GRIK1: variants seen among roughly 807,000 people sequenced by gnomAD.
The protein encoded by GRIK1 is glutamate ionotropic receptor kainate type subunit 1.
GRIK1 carries 69 observed loss-of-function variants against 105.7 expected under a neutral mutation model. That is an observed-to-expected ratio of 0.65 (90% CI 0.54 to 0.80). The LOEUF (loss-of-function observed/expected upper bound fraction) is 0.80. Among genes scored for constraint, GRIK1 ranks in the 30% least tolerant of loss-of-function variants. The pLI, the probability that GRIK1 is intolerant of heterozygous loss-of-function variation, is 0.00. For synonymous variants in GRIK1, 438 were observed against 431.3 expected (o/e 1.02, Z -0.19); for missense variants, 1,109 against 1,167.3 (o/e 0.95, Z 0.73).
chr21:29,773,536 T>G (rs2065865690), intron 1 of GRIK1, among the ~76,000 whole-genome samples: 1 of 152,134 alleles, frequency 6.6e-6, no homozygotes, highest in South Asian at 2.1e-4. Flanking sequence ...CTGCCTTCTT[T>G]ATCACACTCT....
At chr21:29,743,738 T>C (rs2064984999) in intron 1 of GRIK1, among the ~76,000 whole-genome samples, 1 of 152,120 alleles carries the variant, frequency 6.6e-6, no homozygotes, top group Non-Finnish European at 1.5e-5. Flanking sequence ...TTGTTTTATT[T>C]TGAGCAATCT....
intron 3 of GRIK1, among the ~76,000 whole-genome samples, chr21:29,683,878 T>C (rs2146688189): frequency 6.6e-6 from 1 of 152,368 alleles, no homozygotes; most frequent in Middle Eastern, 3.4e-3. Context: ...GAAATAGTTA[T>C]TTTGTCAGGG....
At chr21:29,539,320 T>G (rs1360010992) in intron 16 of GRIK1, among the ~76,000 whole-genome samples, 1 of 152,182 alleles carries the variant, frequency 6.6e-6, no homozygotes, top group Non-Finnish European at 1.5e-5. Flanking sequence ...CTAGCTTACC[T>G]TATACACACA....
At chr21:29,584,308 ATT>A (rs368690391) in intron 12 of GRIK1, among the ~76,000 whole-genome samples, 29 of 151,588 alleles carry the variant, frequency 1.9e-4, no homozygotes, top group Non-Finnish European at 3.1e-4. Context: ...GGTTTTCTAG[ATT>A]TTTTTTTGCC....
intron 6 of GRIK1, among the ~76,000 whole-genome samples, chr21:29,647,133 C>T (rs1220555942): frequency 1.3e-5 from 2 of 152,154 alleles, no homozygotes; most frequent in Non-Finnish European, 2.9e-5. Flanking sequence ...TGTGAGCCAC[C>T]GTGCCCAGCC....
intron 4 of GRIK1, among the ~76,000 whole-genome samples, chr21:29,667,923 A>G (rs2063091391): frequency 6.6e-6 from 1 of 152,236 alleles, no homozygotes; most frequent in African/African-American, 2.4e-5. Flanking sequence ...GTTTCTTAAT[A>G]GTATAGGATT....
intron 1 of GRIK1, among the ~76,000 whole-genome samples, chr21:29,852,300 G>A (rs1456147137): frequency 1.3e-5 from 2 of 152,166 alleles, no homozygotes; most frequent in African/African-American, 4.8e-5. Flanking sequence ...AATGCAAATA[G>A]TGACTGTTAC....
chr21:29,587,655 G>T, intron 11 of GRIK1, 66 bp from the exon 12 acceptor site: 2 of 819,616 alleles, frequency 2.4e-6, no homozygotes, highest in Non-Finnish European at 2.0e-6. Flanking sequence ...GACTTTTCCT[G>T]GGTACTCCTG....
intron 1 of GRIK1, among the ~76,000 whole-genome samples, chr21:29,786,694 G>A (rs1222094491): frequency 6.6e-6 from 1 of 152,176 alleles, no homozygotes; most frequent in Non-Finnish European, 1.5e-5. Context: ...ATTGATGACT[G>A]TAGCACATGG....
chr21:29,857,384 C>T (rs1462810343), intron 1 of GRIK1, among the ~76,000 whole-genome samples: 1 of 152,176 alleles, frequency 6.6e-6, no homozygotes, highest in South Asian at 2.1e-4. Context: ...GGCGAGAATG[C>T]AGGAGTCAGT....
At position 29,792,819 on chromosome 21, in the gene GRIK1, C is replaced by A. The variant is rs1353985871; in HGVS notation, c.119-98756G>T. Among the ~76,000 whole-genome samples the A allele has an allele frequency of 1.6e-4, 25 of 152,270 alleles. No homozygotes were observed. In the South Asian group the frequency reaches 2.9e-3, roughly 18 times the overall value. ...GTGACAGTACAAACGTAAACAACCT[C>A]ATTAGCAGCTCTTACCAAATGTAAA... On this transcript the variant is annotated intron_variant, in intron 1 of 17. Transcript: ENST00000327783.
At chr21:29,729,332 G>A (rs768046571) in intron 1 of GRIK1, among the ~76,000 whole-genome samples, 10 of 152,116 alleles carry the variant, frequency 6.6e-5, no homozygotes, top group African/African-American at 9.7e-5. Context: ...AAGGTAGGAG[G>A]TGGAGAATCT....
At chr21:29,657,944 T>G (rs539318300) in intron 4 of GRIK1, 1 of 152,316 alleles carries the variant, frequency 6.6e-6, no homozygotes, top group Admixed American at 6.5e-5. Flanking sequence ...AATCACGATA[T>G]AGGGAGTTTT....
At chr21:29,789,659 T>C (rs963044012) in intron 1 of GRIK1, among the ~76,000 whole-genome samples, 1 of 152,226 alleles carries the variant, frequency 6.6e-6, no homozygotes, top group East Asian at 1.9e-4. Flanking sequence ...AACCCTGTTA[T>C]TGCAAAAGTC....
At chr21:29,611,642 A>T (rs1246213695) in intron 7 of GRIK1, among the ~76,000 whole-genome samples, 1 of 152,132 alleles carries the variant, frequency 6.6e-6, no homozygotes, top group Non-Finnish European at 1.5e-5. Context: ...GAGATCCTAA[A>T]GTTAGTAAGA....
At chr21:29,557,994 A>C (rs1177861424) in intron 15 of GRIK1, among the ~76,000 whole-genome samples, 1 of 152,188 alleles carries the variant, frequency 6.6e-6, no homozygotes, top group African/African-American at 2.4e-5. Context: ...GACAGATGAA[A>C]ATCTGATCTC....
chr21:29,817,571 C>T (rs2067187476), intron 1 of GRIK1, among the ~76,000 whole-genome samples: 1 of 151,968 alleles, frequency 6.6e-6, no homozygotes, highest in South Asian at 2.1e-4. Flanking sequence ...AAGAAGACAC[C>T]TGAGTCATCT....
intron 1 of GRIK1, among the ~76,000 whole-genome samples, chr21:29,791,469 T>C (rs1396709306): frequency 1.3e-5 from 2 of 149,870 alleles, no homozygotes; most frequent in Non-Finnish European, 3.0e-5. Context: ...TCCACATACA[T>C]GAAGCAGGGA....
chr21:29,603,738 TG>T, intron 7 of GRIK1, among the ~76,000 whole-genome samples: 1 of 152,340 alleles, frequency 6.6e-6, no homozygotes, highest in South Asian at 2.1e-4. Flanking sequence ...TTACAATATC[TG>T]TCTGAGAGCT....
Sources: gnomAD v4.1 joint callset for allele counts (sites outside exome capture counted in the v4.1 genomes callset) on GRCh38, gnomAD v4.1.1 for gene constraint, MANE v1.5 for transcripts, NCBI Gene and HGNC (gene_info 2026-07-23, HGNC 2026-07-21) for gene names.